TRPM3: variants seen among roughly 807,000 people sequenced by gnomAD.
TRPM3 encodes long transient receptor potential channel 3.
A neutral mutation model predicts 181.2 loss-of-function variants in TRPM3; 77 were observed. The ratio of observed to expected loss-of-function variants is 0.42; its 90% CI spans 0.35 to 0.51. The LOEUF is 0.51. Among genes scored for constraint, TRPM3 ranks in the 20% least tolerant of loss-of-function variants. The pLI, the probability that TRPM3 is intolerant of heterozygous loss-of-function variation, is 0.01. For missense variants in TRPM3, 1,759 were observed against 2,196.7 expected (o/e 0.80, Z 3.98); for synonymous variants, 745 against 796.4 (o/e 0.94, Z 1.09).
intron 1 of TRPM3, among the ~76,000 whole-genome samples, chr9:70,972,104 A>G (rs1439107274): frequency 2.0e-5 from 3 of 152,188 alleles, no homozygotes; most frequent in Non-Finnish European, 2.9e-5. Context: ...AAAGAACTGA[A>G]AACATATTTT....
At chr9:70,883,821 G>A (rs2096039519) in intron 1 of TRPM3, among the ~76,000 whole-genome samples, 1 of 152,196 alleles carries the variant, frequency 6.6e-6, no homozygotes. Context: ...CCAAAGCAAG[G>A]ACTTCTTACC....
At chr9:70,848,976 CAA>C (rs749477799) in intron 3 of TRPM3, among the ~76,000 whole-genome samples, 2 of 11,970 alleles carry the variant, frequency 1.7e-4, no homozygotes, top group Non-Finnish European at 3.2e-4. Context: ...GACTCCGTCT[CAA>C]AAAAAAAAAA....
chr9:71,356,285 C>T (rs1167383861), intron 1 of TRPM3, among the ~76,000 whole-genome samples: 1 of 152,084 alleles, frequency 6.6e-6, no homozygotes, highest in Non-Finnish European at 1.5e-5. Context: ...TGGATTATTT[C>T]ATCATCCTGG....
At chr9:70,578,026 T>G (rs1333252469) in intron 22 of TRPM3, among the ~76,000 whole-genome samples, 1 of 152,204 alleles carries the variant, frequency 6.6e-6, no homozygotes, top group Non-Finnish European at 1.5e-5. Flanking sequence ...TTCATCCCTT[T>G]GCTTCAAGGC....
intron 1 of TRPM3, among the ~76,000 whole-genome samples, chr9:71,054,542 T>A (rs1323616277): frequency 6.6e-6 from 1 of 152,156 alleles, no homozygotes; most frequent in Non-Finnish European, 1.5e-5. Flanking sequence ...GCCACTTTTG[T>A]TTTTACTTTC....
At chr9:70,538,523 G>A (rs923764699) in intron 25 of TRPM3, among the ~76,000 whole-genome samples, 1 of 152,154 alleles carries the variant, frequency 6.6e-6, no homozygotes, top group African/African-American at 2.4e-5. Context: ...CAACCTCCCA[G>A]ACTCAAGCGA....
intron 22 of TRPM3, among the ~76,000 whole-genome samples, chr9:70,587,912 T>C (rs2057411670): frequency 6.6e-6 from 1 of 152,204 alleles, no homozygotes; most frequent in Non-Finnish European, 1.5e-5. Flanking sequence ...ATCAAGGTGG[T>C]AGGCAAAGTT....
At chr9:70,577,469 A>G (rs1291580355) in intron 22 of TRPM3, among the ~76,000 whole-genome samples, 2 of 152,244 alleles carry the variant, frequency 1.3e-5, no homozygotes, top group Non-Finnish European at 2.9e-5. Flanking sequence ...CTAATGAGTC[A>G]GAGTGTATCA....
At chr9:71,039,808 G>A (rs1339578979) in intron 1 of TRPM3, among the ~76,000 whole-genome samples, 4 of 152,042 alleles carry the variant, frequency 2.6e-5, no homozygotes, top group Non-Finnish European at 4.4e-5. Context: ...ATTATACCCT[G>A]TATCATTATC....
At chr9:70,912,674 T>C (rs1211036921) in intron 1 of TRPM3, among the ~76,000 whole-genome samples, 2 of 152,150 alleles carry the variant, frequency 1.3e-5, no homozygotes, top group South Asian at 2.1e-4. Flanking sequence ...TAACAAGTGC[T>C]TGAGAAAACA....
intron 1 of TRPM3, among the ~76,000 whole-genome samples, chr9:71,292,465 A>G (rs2085898162): frequency 6.6e-6 from 1 of 152,020 alleles, no homozygotes; most frequent in Non-Finnish European, 1.5e-5. Flanking sequence ...ACAATATCAG[A>G]AATGAAAAGT....
chr9:71,227,108 C>CAA (rs368727383), intron 1 of TRPM3, among the ~76,000 whole-genome samples: 1,115 of 35,920 alleles, frequency 0.031, 21 homozygotes, highest in African/African-American at 0.063. Context: ...TACTTCATCT[C>CAA]AAAAAAAAAA....
intron 1 of TRPM3, among the ~76,000 whole-genome samples, chr9:71,135,291 G>A (rs527699019): frequency 6.6e-6 from 1 of 152,072 alleles, no homozygotes; most frequent in Non-Finnish European, 1.5e-5. Context: ...AGTTCTGTTG[G>A]GGGGACAGAG....
chr9:70,683,633 A>AGTT (rs2066052651), intron 8 of TRPM3, among the ~76,000 whole-genome samples: 1 of 151,806 alleles, frequency 6.6e-6, no homozygotes, highest in East Asian at 1.9e-4. Context: ...CATAGGTTAT[A>AGTT]GTTGTGATCT....
intron 9 of TRPM3, among the ~76,000 whole-genome samples, chr9:70,658,408 T>C (rs895217987): frequency 3.3e-5 from 5 of 152,156 alleles, no homozygotes; most frequent in Non-Finnish European, 7.4e-5. Context: ...AAAAATGACA[T>C]AATTTGGCTT....
intron 6 of TRPM3, among the ~76,000 whole-genome samples, chr9:70,820,114 T>C (rs1260401866): frequency 6.6e-6 from 1 of 152,202 alleles, no homozygotes; most frequent in Non-Finnish European, 1.5e-5. Context: ...CTGATACAGC[T>C]TGGATTTTTA....
chr9:70,980,010 A>G (rs1040072742), intron 1 of TRPM3, among the ~76,000 whole-genome samples: 4 of 150,428 alleles, frequency 2.7e-5, no homozygotes, highest in African/African-American at 7.4e-5. Context: ...GGGCTTCAAC[A>G]CATGGATTTT....
chr9:70,538,285 AAAATT>A (rs768811410), intron 25 of TRPM3, among the ~76,000 whole-genome samples: 13 of 152,158 alleles, frequency 8.5e-5, no homozygotes, highest in Non-Finnish European at 1.3e-4. Context: ...TTTTCTTTTT[AAAATT>A]AAATTAAATT....
intron 8 of TRPM3, among the ~76,000 whole-genome samples, chr9:70,752,043 T>C (rs1283243720): frequency 2.9e-4 from 33 of 112,206 alleles, no homozygotes; most frequent in Non-Finnish European, 5.2e-4. Context: ...TGTGTGTGTG[T>C]GTGTGTGCGC....
Sources: allele counts gnomAD v4.1 joint callset (sites outside exome capture counted in the v4.1 genomes callset), GRCh38; gene constraint gnomAD v4.1.1; transcripts MANE v1.5; gene names NCBI Gene and HGNC (gene_info 2026-07-23, HGNC 2026-07-21).